ADAM18: variants seen among roughly 807,000 people sequenced by gnomAD.
ADAM18 encodes disintegrin and metalloproteinase domain-containing protein 18.
ADAM18 carries 117 observed loss-of-function variants against 94.4 expected under a neutral mutation model. The ratio of observed to expected loss-of-function variants is 1.24; its 90% confidence interval spans 1.07 to 1.45. The LOEUF is 1.45. ADAM18 is among the 40% of genes most tolerant of loss of function. ADAM18 has a pLI of 0.00. For missense variants in ADAM18, 936 were observed against 880.0 expected (o/e 1.06, Z -0.81); for synonymous variants, 327 against 291.6 (o/e 1.12, Z -1.24).
At chr8:39,713,627 A>G (rs1240855463) in intron 18 of ADAM18, among the ~76,000 whole-genome samples, 1 of 152,190 alleles carries the variant, frequency 6.6e-6, no homozygotes, top group Non-Finnish European at 1.5e-5. Flanking sequence ...AAAAGTGGGC[A>G]AAGGATATCA....
chr8:39,590,667 C>T (rs987396265), intron 2 of ADAM18, among the ~76,000 whole-genome samples: 3 of 152,078 alleles, frequency 2.0e-5, no homozygotes, highest in African/African-American at 7.2e-5. Context: ...GGACATTTTG[C>T]CTTTAATTTC....
intron 12 of ADAM18, among the ~76,000 whole-genome samples, chr8:39,663,367 TC>T (rs1232643465): frequency 6.8e-6 from 1 of 146,448 alleles, no homozygotes; most frequent in East Asian, 2.0e-4. Flanking sequence ...GGCAGGAGGA[TC>T]ATTTGAACTA....
chr8:39,630,819 A>G (rs1316615086), intron 7 of ADAM18, among the ~76,000 whole-genome samples: 3 of 151,948 alleles, frequency 2.0e-5, no homozygotes, highest in Non-Finnish European at 4.4e-5. Flanking sequence ...TTGAAAAGTT[A>G]TTATAGTAAT....
intron 16 of ADAM18, among the ~76,000 whole-genome samples, chr8:39,690,122 C>T (rs1821730169): frequency 6.6e-6 from 1 of 152,092 alleles, no homozygotes; most frequent in African/African-American, 2.4e-5. Context: ...AGAGGATGGT[C>T]CTTTGAGGTT....
chr8:39,611,095 A>T, intron 6 of ADAM18: 1 of 997,748 alleles, frequency 1.0e-6, no homozygotes. Flanking sequence ...ATGTTGCCAG[A>T]TGCTCTTAAT....
chr8:39,722,402 C>T (rs150755833), intron 18 of ADAM18, among the ~76,000 whole-genome samples: 1,887 of 150,832 alleles, frequency 0.013, 20 homozygotes, highest in Non-Finnish European at 0.015. Flanking sequence ...GAGGCATTAA[C>T]CTAAGTGAAA....
rs192838330 is a variant in ADAM18 at position 39,593,219 on chromosome 8, C to A, written c.132+7867C>A. 3.9e-3 allele frequency among the ~76,000 whole-genome samples: 593 copies of A among 152,160 alleles called. 9 individuals are homozygous for A. Among genetic ancestry groups the A allele is most frequent in the South Asian group, 0.019 (90 of 4,818 alleles). On this transcript the variant is annotated intron_variant, in intron 2 of 19. Coordinates refer to ENST00000265707, the MANE Select transcript of ADAM18 (RefSeq NM_014237.3). ...CGGCTGGTTTGATTGTCTATCCAGA[C>A]GATGAAACCTTCTCCATATCAGCAA...
At position 39,648,417 on chromosome 8, in the gene ADAM18, A is replaced by T; in HGVS notation, c.1120A>T (p.Thr374Ser). ...DYRYFVSKFE[T>S]KCLQKLSNLQ... ...TAGATATTTTGTTTCAAAATTTGAGACTAAATGCCTTCAGAAGCTTTCAAA... is the reference window on the plus strand; with the variant it reads ...TAGATATTTTGTTTCAAAATTTGAGTCTAAATGCCTTCAGAAGCTTTCAAA... Residue 374 changes from threonine to serine, a missense_variant, in exon 12 of 20, where the codon ACT becomes TCT. Physicochemically the swap from Thr to Ser is moderately conservative, Grantham distance 58 (BLOSUM62 1). Transcript: ENST00000265707. 1 of 1,613,208 alleles carries T rather than the reference A, an allele frequency of 6.2e-7. No individual in the cohort carries two copies. Among genetic ancestry groups the T allele is most frequent in the South Asian group, 1.1e-5 (1 of 90,932 alleles).
intron 18 of ADAM18, among the ~76,000 whole-genome samples, chr8:39,722,211 GTGTGTGTATATATATATATATATA>G (rs1822773917): frequency 1.4e-5 from 1 of 71,192 alleles, no homozygotes; most frequent in African/African-American, 9.5e-5. Context: ...GTGTGTGTGT[GTGTGTGTATATATATATATATATA>G]TATATATATA....
At chr8:39,729,282 G>A (rs1463890875) in intron 19 of ADAM18, among the ~76,000 whole-genome samples, 2 of 152,126 alleles carry the variant, frequency 1.3e-5, no homozygotes, top group Non-Finnish European at 2.9e-5. Context: ...TTCACAATAT[G>A]AATGTACTTA....
intron 2 of ADAM18, among the ~76,000 whole-genome samples, chr8:39,601,235 T>C (rs1818892310): frequency 6.6e-6 from 1 of 152,234 alleles, no homozygotes; most frequent in African/African-American, 2.4e-5. Flanking sequence ...ATATGAGATT[T>C]GAGTGGGGAC....
intron 18 of ADAM18, among the ~76,000 whole-genome samples, chr8:39,722,796 T>G (rs370145844): frequency 1.3e-5 from 2 of 151,812 alleles, no homozygotes; most frequent in East Asian, 3.9e-4. Flanking sequence ...TGATTTTCTT[T>G]GGGAAAGACA....
intron 12 of ADAM18, among the ~76,000 whole-genome samples, chr8:39,661,177 G>T (rs527259347): frequency 1.4e-4 from 21 of 145,344 alleles, no homozygotes; most frequent in Non-Finnish European, 3.0e-4. Flanking sequence ...TTTTTTGAGG[G>T]AGTCTCGGTT....
intron 14 of ADAM18, among the ~76,000 whole-genome samples, chr8:39,671,700 C>T (rs1372507578): frequency 3.3e-5 from 5 of 152,150 alleles, no homozygotes; most frequent in South Asian, 2.1e-4. Context: ...ATTCCTCCCC[C>T]GTCCCTCTTC....
At chr8:39,633,312 G>A (rs772793736) in intron 7 of ADAM18, among the ~76,000 whole-genome samples, 7 of 152,124 alleles carry the variant, frequency 4.6e-5, no homozygotes, top group Non-Finnish European at 7.3e-5. Flanking sequence ...GGGTTGAAGC[G>A]GGAGCTGTTT....
chr8:39,609,820 A>G (rs1384053862), intron 5 of ADAM18, among the ~76,000 whole-genome samples: 1 of 152,156 alleles, frequency 6.6e-6, no homozygotes, highest in Admixed American at 6.5e-5. Flanking sequence ...CTTAAGTATG[A>G]TTGTTGCATT....
intron 16 of ADAM18, among the ~76,000 whole-genome samples, chr8:39,687,145 T>C (rs1223251269): frequency 6.6e-6 from 1 of 152,220 alleles, no homozygotes; most frequent in Non-Finnish European, 1.5e-5. Context: ...ATGTGGCCTT[T>C]TGCACCTATA....
At chr8:39,669,734 T>C (rs1171652766) in intron 14 of ADAM18, among the ~76,000 whole-genome samples, 1 of 152,146 alleles carries the variant, frequency 6.6e-6, no homozygotes, top group East Asian at 1.9e-4. Context: ...TTTAGGTTGG[T>C]TCCAAGTCTT....
chr8:39,602,327 A>G (rs1164192079), intron 2 of ADAM18, among the ~76,000 whole-genome samples: 1 of 152,198 alleles, frequency 6.6e-6, no homozygotes, highest in African/African-American at 2.4e-5. Context: ...CAATTACTCT[A>G]CGTACACACC....
Sources: gnomAD v4.1 joint callset for allele counts (sites outside exome capture counted in the v4.1 genomes callset) on GRCh38, gnomAD v4.1.1 for gene constraint, MANE v1.5 for transcripts, NCBI Gene and HGNC (gene_info 2026-07-23, HGNC 2026-07-21) for gene names.